MAMDC2: variants seen among roughly 807,000 people sequenced by gnomAD.
The protein encoded by MAMDC2 is MAM domain-containing protein 2.
MAMDC2 carries 57 observed loss-of-function variants against 89.8 expected under a neutral mutation model. The observed-to-expected ratio is 0.63, with a 90% CI of 0.51 to 0.79. The LOEUF is 0.79. MAMDC2 is among the 30% of genes least tolerant of loss of function. The probability of loss-of-function intolerance (pLI) is 0.00; values close to 1 mark genes in which losing one functional copy is unlikely to be tolerated. For synonymous variants in MAMDC2, 313 were observed against 293.4 expected (o/e 1.07, Z -0.68); for missense variants, 800 against 820.6 (o/e 0.97, Z 0.31).
At position 70,078,224 on chromosome 9, in the gene MAMDC2, T is replaced by A. The variant is rs1343441782; in HGVS notation, c.149-29987T>A. Among the ~76,000 whole-genome samples, 4 of 152,212 alleles carry A rather than the reference T, an allele frequency of 2.6e-5. No homozygotes were observed. The East Asian group carries it at 7.7e-4, about 29-fold the overall frequency. Reference sequence around the variant, plus strand: ...GAGCACACACCATTTAATCTGTGTATCTTACTAACCTTAAATCAATCTGAT... The same window carrying A: ...GAGCACACACCATTTAATCTGTGTAACTTACTAACCTTAAATCAATCTGAT... On this transcript the variant is annotated intron_variant, in intron 2 of 13. Coordinates refer to ENST00000377182, the MANE Select transcript of MAMDC2 (RefSeq NM_153267.5).
In MAMDC2 at chr9:70,226,041, C is replaced by A. The variant is rs1179128857; in HGVS notation, c.*9C>A. The stretch of plus-strand genomic sequence containing the variant: ...ATGAAATTGAGTATTAAGAAATGAT[C>A]TGCATTGGATTTACTAGACGAAAAC... On this transcript the variant is annotated 3_prime_UTR_variant, in exon 14 of 14. Coordinates refer to ENST00000377182, the MANE Select transcript of MAMDC2 (RefSeq NM_153267.5). 2.0e-6 allele frequency: 3 copies of A among 1,519,504 alleles called. No homozygotes were observed. The highest frequency in any genetic ancestry group is 2.4e-5 in the South Asian group (2 of 82,280). The allele number at this position is 1,519,504 out of a possible 1,614,324, so 94.1% of individuals were successfully genotyped here. A position where few individuals can be genotyped will look rare whatever the true frequency, so the allele number is the denominator to read the frequency against.
chr9:70,118,297 AACACACACAC>A (rs6151026), intron 5 of MAMDC2, among the ~76,000 whole-genome samples: 17 of 140,484 alleles, frequency 1.2e-4, no homozygotes, highest in South Asian at 6.9e-4. Flanking sequence ...ATCCCCACTC[AACACACACAC>A]ACACACACAC....
At chr9:70,135,811 G>A (rs2030981170) in intron 7 of MAMDC2, among the ~76,000 whole-genome samples, 1 of 152,058 alleles carries the variant, frequency 6.6e-6, no homozygotes, top group South Asian at 2.1e-4. Context: ...ATAATGACAT[G>A]TATCCACCAT....
At chr9:70,165,089 A>T (rs915666047) in intron 9 of MAMDC2, among the ~76,000 whole-genome samples, 3 of 152,088 alleles carry the variant, frequency 2.0e-5, no homozygotes, top group African/African-American at 7.2e-5. Context: ...TGAAATAAAC[A>T]CTGCTTTTAA....
chr9:70,083,331 T>A lies in MAMDC2; in HGVS notation c.149-24880T>A, dbSNP rs189790049. 307 of 152,300 alleles carry A rather than the reference T, an allele frequency of 2.0e-3. 3 individuals carry two copies. The highest frequency in any genetic ancestry group is 7.0e-3 in the African/African-American group (291 of 41,580). 9.4% of individuals were successfully genotyped at this position (152,300 alleles called of 1,614,324 possible). ...ATGGGATTCTCTCATTTTCATTTTTTAAAGTTATATTTGTTTTGTACTAGA... is the reference window on the plus strand; with the variant it reads ...ATGGGATTCTCTCATTTTCATTTTTAAAAGTTATATTTGTTTTGTACTAGA... On this transcript the variant is annotated intron_variant, in intron 2 of 13. Transcript: ENST00000377182.
rs566074568 is a variant in MAMDC2 at position 70,166,662 on chromosome 9, C to G, written c.1405-2040C>G. Among the ~76,000 whole-genome samples the G allele has an allele frequency of 1.7e-3, 254 of 152,042 alleles. 1 individual carries two copies. The highest frequency in any genetic ancestry group is 5.8e-3 in the African/African-American group (242 of 41,466). The stretch of plus-strand genomic sequence containing the variant: ...TTCTGGGTGTTTGCTTGCTTACTTG[C>G]TTGTATGGTTTTATGGTCACTATAA... On this transcript the variant is annotated intron_variant, in intron 9 of 13. Coordinates refer to ENST00000377182, the MANE Select transcript of MAMDC2 (RefSeq NM_153267.5).
intron 9 of MAMDC2, among the ~76,000 whole-genome samples, chr9:70,156,957 T>G (rs1021130173): frequency 2.0e-5 from 3 of 152,236 alleles, no homozygotes; most frequent in Non-Finnish European, 4.4e-5. Flanking sequence ...ACATAGTGTT[T>G]ATGTCAGTCC....
chr9:70,224,019 T>C (rs2033607931), intron 12 of MAMDC2, among the ~76,000 whole-genome samples: 1 of 152,176 alleles, frequency 6.6e-6, no homozygotes. Context: ...CAGGTAATTT[T>C]ATTACTCTTT....
At chr9:70,114,427 T>G (rs1257032972) in intron 5 of MAMDC2, among the ~76,000 whole-genome samples, 6 of 151,764 alleles carry the variant, frequency 4.0e-5, no homozygotes, top group Admixed American at 3.9e-4. Flanking sequence ...ATTTCCCAAA[T>G]TTTTAAAAGT....
At chr9:70,115,036 A>G (rs1231258861) in intron 5 of MAMDC2, among the ~76,000 whole-genome samples, 2 of 152,186 alleles carry the variant, frequency 1.3e-5, no homozygotes, top group Non-Finnish European at 2.9e-5. Context: ...GTGGCTGAGA[A>G]AGCAGTGCAG....
intron 2 of MAMDC2, among the ~76,000 whole-genome samples, chr9:70,090,044 A>G (rs1231609217): frequency 6.6e-6 from 1 of 152,110 alleles, no homozygotes; most frequent in Non-Finnish European, 1.5e-5. Flanking sequence ...TATCCAGTTA[A>G]TTTTCTTAAT....
intron 9 of MAMDC2, among the ~76,000 whole-genome samples, chr9:70,162,597 C>A (rs1032537743): frequency 6.6e-6 from 1 of 151,326 alleles, no homozygotes; most frequent in Non-Finnish European, 1.5e-5. Context: ...CCGAGGTGAT[C>A]CTTCCACCTC....
Position 70,200,742 on chromosome 9 carries a change from T to C in MAMDC2, c.1652-17595T>C, listed in dbSNP as rs1211923488. 4.7e-5 allele frequency among the ~76,000 whole-genome samples: 7 copies of C among 149,484 alleles called. No homozygotes were observed. The East Asian group carries it at 8.0e-4, about 17-fold the overall frequency. On this transcript the variant is annotated intron_variant, in intron 11 of 13. Transcript: ENST00000377182. ...TTTTATTTCCTTGAGCAGTGGTTTG[T>C]AGTTCTCCTTGAAGAGGTCCTTCAT...
In MAMDC2 at chr9:70,168,790, C is replaced by T. The variant is rs542693252; in HGVS notation, c.1493C>T (p.Ser498Phe). 2.2e-5 allele frequency: 36 copies of T among 1,613,086 alleles called. 1 individual carries two copies. In the South Asian group the frequency reaches 4.0e-4, roughly 18 times the overall value. The change falls in exon 10 of 14, where the codon TCT becomes TTT. Residue 498 changes from serine to phenylalanine, a missense_variant. Transcript: ENST00000377182. ...DITIQLGSCS[S>F]SEKLPPPPGE... ...ACAATACAATTGGGAAGCTGCTCAT[C>T]TTCAGGTAAGACGGCAATCATTTTA...
chr9:70,173,738 T>C lies in MAMDC2; in HGVS notation c.1651+3107T>C, dbSNP rs541123230. ...TGCCTTAGACATGGAAGAGAAGACATAGAAAAATAGCACTGAAGGGAAGGA... is the reference window on the plus strand; with the variant it reads ...TGCCTTAGACATGGAAGAGAAGACACAGAAAAATAGCACTGAAGGGAAGGA... On this transcript the variant is annotated intron_variant, in intron 11 of 13. Transcript: ENST00000377182. Among the ~76,000 whole-genome samples, 16 of 152,134 alleles carry C rather than the reference T, an allele frequency of 1.1e-4. No individual in the cohort carries two copies. The South Asian group carries it at 3.1e-3, about 30-fold the overall frequency.
At chr9:70,062,513 A>G (rs1022655149) in intron 2 of MAMDC2, 1 of 152,256 alleles carries the variant, frequency 6.6e-6, no homozygotes, top group African/African-American at 2.4e-5. Flanking sequence ...CAGCAGGTCT[A>G]ATTTGCTTCC....
intron 11 of MAMDC2, among the ~76,000 whole-genome samples, chr9:70,212,905 A>C (rs2033384300): frequency 6.6e-6 from 1 of 152,204 alleles, no homozygotes; most frequent in Non-Finnish European, 1.5e-5. Context: ...TGTGTGGTCC[A>C]AAGAACAGAT....
intron 2 of MAMDC2, 81 bp from the exon 3 acceptor site, chr9:70,108,130 G>A: frequency 5.9e-6 from 8 of 1,356,942 alleles, no homozygotes; most frequent in Non-Finnish European, 8.0e-6. Flanking sequence ...TCTGCCCAGA[G>A]ATTTACTTAA....
intron 2 of MAMDC2, chr9:70,092,468 G>A (rs1827924427): frequency 6.6e-6 from 1 of 152,236 alleles, no homozygotes; most frequent in Non-Finnish European, 1.5e-5. Context: ...TCTGTAAACT[G>A]GGAAAAACAG....
Sources: allele counts gnomAD v4.1 joint callset (sites outside exome capture counted in the v4.1 genomes callset), GRCh38; gene constraint gnomAD v4.1.1; transcripts MANE v1.5; gene names NCBI Gene and HGNC (gene_info 2026-07-23, HGNC 2026-07-21).